SV2B: variants seen among roughly 807,000 people sequenced by gnomAD.
SV2B encodes synaptic vesicle glycoprotein 2B, also known as solute carrier family 22 member B2.
A neutral mutation model predicts 73.9 loss-of-function variants in SV2B; 41 were observed. That is an observed-to-expected ratio of 0.56 (90% CI 0.43 to 0.72). SV2B has a LOEUF of 0.72. SV2B is among the 30% of genes least tolerant of loss of function. SV2B has a pLI of 0.00. For synonymous variants in SV2B, 314 were observed against 314.2 expected (o/e 1.00, Z 0.01); for missense variants, 764 against 857.8 (o/e 0.89, Z 1.37).
intron 1 of SV2B, among the ~76,000 whole-genome samples, chr15:91,169,011 A>G (rs1343938112): frequency 6.6e-6 from 1 of 152,212 alleles, no homozygotes; most frequent in Admixed American, 6.5e-5. Context: ...CCAGGGGCAG[A>G]TGATTTAAAT....
chr15:91,263,548 A>T (rs1275572679), intron 6 of SV2B, among the ~76,000 whole-genome samples: 1 of 152,066 alleles, frequency 6.6e-6, no homozygotes, highest in African/African-American at 2.4e-5. Context: ...ATTAAGACAG[A>T]CACACAGACA....
At position 91,214,665 on chromosome 15, in the gene SV2B, T is replaced by G. The variant is rs2045967632; in HGVS notation, c.-391-11208T>G. On this transcript the variant is annotated intron_variant, in intron 1 of 12. Transcript: ENST00000394232. The surrounding 1 kb of genome is among the most constrained non-coding windows in gnomAD (Gnocchi z 4.7). ...TATGGCAAGAAATATCATTAACAAT[T>G]GTTTTCCCGATGAAATCAAAACGAA... is the stretch of plus-strand genomic sequence containing the variant. 6.6e-6 allele frequency among the ~76,000 whole-genome samples: 1 copy of G among 152,234 alleles called. No homozygotes were observed. The highest frequency in any genetic ancestry group is 2.4e-5 in the African/African-American group (1 of 41,472).
intron 1 of SV2B, among the ~76,000 whole-genome samples, chr15:91,168,662 A>G (rs7178094): frequency 0.036 from 5,433 of 151,672 alleles, 339 homozygotes; most frequent in African/African-American, 0.12. Flanking sequence ...GGGAGAATTG[A>G]AAAAAAAATT....
rs919412722 is a variant in SV2B, at chr15:91,236,894, C to G, written c.451+10180C>G. On this transcript the variant is annotated intron_variant, in intron 2 of 12. Transcript: ENST00000394232. This position sits in a 1 kb window ranked among gnomAD's most constrained non-coding sequence, Gnocchi z 4.1. ...TTGAGCATCTCTCTCTATCTCCATA[C>G]GATCTTTAAATGTGATCTTTCCAAC... 6.6e-6 allele frequency among the ~76,000 whole-genome samples: 1 copy of G among 151,848 alleles called. No homozygotes were observed. Among genetic ancestry groups the G allele is most frequent in the Middle Eastern group, 3.2e-3 (1 of 316 alleles).
chr15:91,282,538 A>G (rs1380683091), intron 10 of SV2B, among the ~76,000 whole-genome samples: 1 of 152,164 alleles, frequency 6.6e-6, no homozygotes, highest in Non-Finnish European at 1.5e-5. Context: ...GGAGAAATGT[A>G]CTATTTTTTT....
intron 1 of SV2B, among the ~76,000 whole-genome samples, chr15:91,216,006 C>T (rs1377122833): frequency 6.6e-6 from 1 of 152,120 alleles, no homozygotes; most frequent in Non-Finnish European, 1.5e-5. Flanking sequence ...CCAATTGTTT[C>T]TCCCACCTTG....
chr15:91,164,086 T>G (rs2043824173), intron 1 of SV2B, among the ~76,000 whole-genome samples: 1 of 152,202 alleles, frequency 6.6e-6, no homozygotes, highest in African/African-American at 2.4e-5. Context: ...ATGTGTGGTA[T>G]TATTTCTGAG....
intron 6 of SV2B, among the ~76,000 whole-genome samples, chr15:91,262,542 A>G (rs893158933): frequency 2.0e-5 from 3 of 152,050 alleles, no homozygotes; most frequent in African/African-American, 7.2e-5. Context: ...GGTTTGTTGT[A>G]CAGGTATTTT....
rs191814789 is a variant in SV2B, at chr15:91,297,520, G to A, written c.*4968G>A. The A allele has an allele frequency of 1.3e-5, 2 of 152,282 alleles. No individual in the cohort carries two copies. The highest frequency in any genetic ancestry group is 1.3e-4 in the Admixed American group (2 of 15,308). The allele number at this position is 152,282 out of a possible 1,614,324, so 9.4% of individuals were successfully genotyped here. Reference sequence around the variant, plus strand: ...CCAGAGATTCGGATTCTGGGGATTTGGAATCTGGGGTGGGGTCTGAAGAAT... The same window carrying A: ...CCAGAGATTCGGATTCTGGGGATTTAGAATCTGGGGTGGGGTCTGAAGAAT... On this transcript the variant is annotated 3_prime_UTR_variant, in exon 13 of 13. Transcript: ENST00000394232. This position sits in a 1 kb window ranked among gnomAD's most constrained non-coding sequence, Gnocchi z 5.1.
At chr15:91,127,758 T>C (rs2151754138) in intron 1 of SV2B, among the ~76,000 whole-genome samples, 1 of 152,174 alleles carries the variant, frequency 6.6e-6, no homozygotes, top group South Asian at 2.1e-4. Context: ...CTGCTGAGCT[T>C]CAGCATGCTG....
intron 1 of SV2B, among the ~76,000 whole-genome samples, chr15:91,167,681 C>T (rs11073983): frequency 0.077 from 11,747 of 152,212 alleles, 495 homozygotes; most frequent in Non-Finnish European, 0.089. Flanking sequence ...CTCTTAACTT[C>T]ATTACATTTG....
chr15:91,247,125 CTCT>C (rs2047266903), intron 2 of SV2B, among the ~76,000 whole-genome samples: 2 of 152,152 alleles, frequency 1.3e-5, no homozygotes, highest in Admixed American at 1.3e-4. Context: ...ATTTGAGAAG[CTCT>C]TCTTATTCTC....
intron 1 of SV2B, among the ~76,000 whole-genome samples, chr15:91,119,677 T>C (rs2042273550): frequency 6.6e-6 from 1 of 152,248 alleles, no homozygotes; most frequent in Non-Finnish European, 1.5e-5. Flanking sequence ...CCAAGTTGCA[T>C]TGTAGAAAGC....
At chr15:91,144,261 T>A (rs1284699027) in intron 1 of SV2B, among the ~76,000 whole-genome samples, 1 of 152,090 alleles carries the variant, frequency 6.6e-6, no homozygotes, top group Non-Finnish European at 1.5e-5. Flanking sequence ...ACTGGAGTGG[T>A]TTGAGGAATG....
At chr15:91,187,917 G>A (rs938735092) in intron 1 of SV2B, among the ~76,000 whole-genome samples, 2 of 151,756 alleles carry the variant, frequency 1.3e-5, no homozygotes, top group South Asian at 4.2e-4. Context: ...GTTTTATTTG[G>A]GTTTAATTTC....
At chr15:91,166,996 G>T (rs573858126) in intron 1 of SV2B, among the ~76,000 whole-genome samples, 3 of 151,996 alleles carry the variant, frequency 2.0e-5, no homozygotes, top group African/African-American at 2.4e-5. Context: ...TGTATTTTTA[G>T]TAGAGACGGG....
intron 1 of SV2B, among the ~76,000 whole-genome samples, chr15:91,177,694 G>T (rs1011427508): frequency 7.4e-5 from 9 of 121,812 alleles, no homozygotes; most frequent in South Asian, 2.4e-4. Context: ...CTCTCTGTTT[G>T]TCTGTTATTG....
rs1480386063 is a variant in SV2B at position 91,216,496 on chromosome 15, G to A, written c.-391-9377G>A. On this transcript the variant is annotated intron_variant, in intron 1 of 12. Coordinates refer to ENST00000394232, the MANE Select transcript of SV2B (RefSeq NM_001323032.3). The stretch of plus-strand genomic sequence containing the variant: ...TTTTTGTTTTTTTGTTTTTTGAGAT[G>A]GAGTCTTGCTGTGTTGCCCAGGCTG... Among the ~76,000 whole-genome samples, 9 of 151,308 alleles carry A rather than the reference G, an allele frequency of 5.9e-5. No individual in the cohort carries two copies. In the East Asian group the frequency reaches 1.7e-3, roughly 29 times the overall value.
At chr15:91,148,167 G>C (rs916585611) in intron 1 of SV2B, among the ~76,000 whole-genome samples, 1 of 151,576 alleles carries the variant, frequency 6.6e-6, no homozygotes, top group Admixed American at 6.6e-5. Flanking sequence ...TTTTAGTAGA[G>C]ACGGGGTTTC....
Sources: allele counts gnomAD v4.1 joint callset (sites outside exome capture counted in the v4.1 genomes callset), GRCh38; gene constraint gnomAD v4.1.1; non-coding constraint Gnocchi (gnomAD v3.1); transcripts MANE v1.5; gene names NCBI Gene and HGNC (gene_info 2026-07-23, HGNC 2026-07-21).